The following LRRC37A2 variants were observed in gnomAD, a reference collection of about 807,000 sequenced individuals.
LRRC37A2 encodes leucine-rich repeat-containing protein 37A2.
In LRRC37A2, 9 loss-of-function variants were observed where a neutral mutation model predicts 68.8. The observed-to-expected ratio is 0.13, with a 90% confidence interval of 0.08 to 0.23. The LOEUF (loss-of-function observed/expected upper bound fraction) is 0.23, where lower values mean the gene tolerates loss of function less well. LRRC37A2 is among the 10% of genes least tolerant of loss of function. The probability of loss-of-function intolerance (pLI) is 1.00; values close to 1 mark genes in which losing one functional copy is unlikely to be tolerated. For missense variants in LRRC37A2, 168 were observed against 950.4 expected, an observed-to-expected ratio of 0.18 and a Z score of 10.82; for synonymous variants, 63 against 367.6, an observed-to-expected ratio of 0.17 and a Z score of 9.48.
At chr17:46,454,187 ATT>A in the LRRC37A2 span, among the ~76,000 whole-genome samples, 1 of 103,800 alleles carries the variant, frequency 9.6e-6, no homozygotes, top group African/African-American at 3.4e-5. Context: ...TTGCAAATGT[ATT>A]TTTTTTTTAA....
At chr17:46,834,489 C>T in the LRRC37A2 span, among the ~76,000 whole-genome samples, 2 of 152,194 alleles carry the variant, frequency 1.3e-5, no homozygotes, top group South Asian at 2.1e-4. Flanking sequence ...CTGGGCTTTA[C>T]AACAGGGGGT....
At chr17:46,543,467 T>C (rs1258545162) in intron 8 of LRRC37A2, among the ~76,000 whole-genome samples, 4 of 151,010 alleles carry the variant, frequency 2.6e-5, no homozygotes, top group African/African-American at 9.9e-5. Context: ...AGCCATGTTA[T>C]GATTGGGACA....
chr17:46,865,216 A>T, the LRRC37A2 span, among the ~76,000 whole-genome samples: 1 of 152,198 alleles, frequency 6.6e-6, no homozygotes, highest in Admixed American at 6.5e-5. Flanking sequence ...GCCACACTCT[A>T]AATGCCGGGG....
At chr17:46,719,565 T>TG in the LRRC37A2 span, among the ~76,000 whole-genome samples, 8 of 152,192 alleles carry the variant, frequency 5.3e-5, no homozygotes, top group Admixed American at 4.6e-4. This position sits in a 1 kb window ranked among gnomAD's most constrained non-coding sequence, Gnocchi z 4.3. Context: ...CCTCACGTTC[T>TG]GGGGGGTATA....
chr17:46,929,880 G>A, the LRRC37A2 span: 1 of 315,244 alleles, frequency 3.2e-6, no homozygotes, highest in Admixed American at 4.5e-5. Flanking sequence ...TTAGAGGAAT[G>A]TACTCCATAA....
the LRRC37A2 span, among the ~76,000 whole-genome samples, chr17:46,963,042 T>C: frequency 6.6e-6 from 1 of 152,222 alleles, no homozygotes; most frequent in South Asian, 2.1e-4. Flanking sequence ...GAAGCAGGGC[T>C]TGAATCAAGG....
At chr17:47,019,425 T>C in the LRRC37A2 span, 1 of 1,610,928 alleles carries the variant, frequency 6.2e-7, no homozygotes. Context: ...GGAGGAGACC[T>C]CAACTCAGCC....
chr17:46,710,066 C>T, the LRRC37A2 span, among the ~76,000 whole-genome samples: 1 of 152,282 alleles, frequency 6.6e-6, no homozygotes, highest in East Asian at 1.9e-4. Context: ...TTCTAAAGAA[C>T]TATTAAAACT....
the LRRC37A2 span, among the ~76,000 whole-genome samples, chr17:46,443,805 TTTATTATTATTATTA>T: frequency 1.8e-4 from 4 of 22,114 alleles, no homozygotes; most frequent in Admixed American, 1.2e-3. Context: ...TACATTTCTT[TTTATTATTATTATTA>T]TTATTATTAT....
chr17:46,845,705 C>T, the LRRC37A2 span, among the ~76,000 whole-genome samples: 1 of 151,002 alleles, frequency 6.6e-6, no homozygotes, highest in East Asian at 1.9e-4. Context: ...GGCCAGGCTG[C>T]TCTCAAACTC....
At chr17:46,774,055 G>A in the LRRC37A2 span, 21 of 1,218,196 alleles carry the variant, frequency 1.7e-5, no homozygotes, top group Admixed American at 4.2e-5. Context: ...CTTTGACCTC[G>A]GGAGCATGCC....
the LRRC37A2 span, among the ~76,000 whole-genome samples, chr17:46,595,723 C>CTGG: frequency 8.7e-6 from 1 of 114,704 alleles, no homozygotes; most frequent in Non-Finnish European, 1.6e-5. Context: ...GACTCCTGAC[C>CTGG]TGGTGATCCA....
chr17:46,772,499 G>T, the LRRC37A2 span, among the ~76,000 whole-genome samples: 8 of 152,354 alleles, frequency 5.3e-5, no homozygotes, highest in Middle Eastern at 3.4e-3. Flanking sequence ...ACCGGAAAGC[G>T]CTGAGACCAA....
chr17:46,973,885 C>T, the LRRC37A2 span, among the ~76,000 whole-genome samples: 11 of 152,180 alleles, frequency 7.2e-5, no homozygotes, highest in African/African-American at 2.7e-4. Flanking sequence ...CTGCTGTACC[C>T]GCCACCTCGC....
At chr17:46,502,885 G>C in the LRRC37A2 span, among the ~76,000 whole-genome samples, 1 of 150,806 alleles carries the variant, frequency 6.6e-6, no homozygotes, top group African/African-American at 2.5e-5. Context: ...TCATGTTACA[G>C]GCTGGTCTCC....
the LRRC37A2 span, among the ~76,000 whole-genome samples, chr17:46,904,051 G>A: frequency 2.6e-5 from 4 of 151,414 alleles, no homozygotes; most frequent in Non-Finnish European, 5.9e-5. Context: ...AGATAGATGA[G>A]TTGGTGGATG....
Position 46,534,894 on chromosome 17 carries a change from G to A in LRRC37A2, c.2907-5282G>A, listed in dbSNP as rs1260868441. Reference sequence around the variant, plus strand: ...GGGCTCCTCACTTCTCAGACGGGGCGGCTGCTGGGCGGAGGGGCTCCTCAC... The same window carrying A: ...GGGCTCCTCACTTCTCAGACGGGGCAGCTGCTGGGCGGAGGGGCTCCTCAC... On this transcript the variant is annotated intron_variant, in intron 6 of 14. Transcript: ENST00000576629. Among the ~76,000 whole-genome samples the A allele has an allele frequency of 1.1e-4, 17 of 149,526 alleles. 1 individual carries two copies. Among genetic ancestry groups the A allele is most frequent in the East Asian group, 3.9e-4 (2 of 5,114 alleles).
chr17:46,799,895 A>T, the LRRC37A2 span, among the ~76,000 whole-genome samples: 1 of 152,138 alleles, frequency 6.6e-6, no homozygotes, highest in African/African-American at 2.4e-5. Flanking sequence ...GACATCTGGG[A>T]TTTGCACCAC....
the LRRC37A2 span, among the ~76,000 whole-genome samples, chr17:46,731,010 G>A: frequency 6.6e-6 from 1 of 152,170 alleles, no homozygotes; most frequent in East Asian, 1.9e-4. Context: ...ATATAACCCA[G>A]CTATTCCACC....
Sources: gnomAD v4.1 joint callset for allele counts (sites outside exome capture counted in the v4.1 genomes callset) on GRCh38, gnomAD v4.1.1 for gene constraint, Gnocchi (gnomAD v3.1) non-coding constraint, MANE v1.5 for transcripts, NCBI Gene and HGNC (gene_info 2026-07-23, HGNC 2026-07-21) for gene names.